DCLK1: variants seen among roughly 807,000 people sequenced by gnomAD.
The protein encoded by DCLK1 is doublecortin like kinase 1.
Under a neutral mutation model 86.2 loss-of-function variants are expected in DCLK1, and 16 were observed. The observed-to-expected ratio is 0.19, with a 90% CI of 0.13 to 0.28. The LOEUF (loss-of-function observed/expected upper bound fraction) is 0.28, where lower values mean the gene tolerates loss of function less well. Ranked by LOEUF, DCLK1 falls within the 10% of genes least tolerant of loss-of-function variation. DCLK1 has a pLI of 1.00. For synonymous variants in DCLK1, 369 were observed against 370.5 expected (o/e 1.00, Z 0.05); for missense variants, 590 against 940.2 (o/e 0.63, Z 4.87).
intron 3 of DCLK1, among the ~76,000 whole-genome samples, chr13:36,006,550 A>G (rs1032794570): frequency 6.6e-6 from 1 of 152,358 alleles, no homozygotes; most frequent in Non-Finnish European, 1.5e-5. Flanking sequence ...CTGCTTTGCC[A>G]CTTTCCATGT....
intron 4 of DCLK1, among the ~76,000 whole-genome samples, chr13:35,899,882 G>T (rs932657340): frequency 6.6e-6 from 1 of 152,018 alleles, no homozygotes; most frequent in African/African-American, 2.4e-5. Flanking sequence ...TATAATACAC[G>T]CTGTTTCTAA....
chr13:36,015,692 A>C (rs1881512528), intron 3 of DCLK1, among the ~76,000 whole-genome samples: 1 of 152,126 alleles, frequency 6.6e-6, no homozygotes. Flanking sequence ...CTACCAATCT[A>C]GGGCTTACCT....
intron 3 of DCLK1, among the ~76,000 whole-genome samples, chr13:36,027,347 C>A (rs890960706): frequency 6.6e-6 from 1 of 152,206 alleles, no homozygotes; most frequent in African/African-American, 2.4e-5. Context: ...TGGCATGAGG[C>A]GGAGCTCATG....
intron 3 of DCLK1, among the ~76,000 whole-genome samples, chr13:36,024,519 T>C (rs1403600712): frequency 1.3e-5 from 2 of 152,152 alleles, no homozygotes; most frequent in Admixed American, 6.5e-5. Flanking sequence ...GAAATAAATT[T>C]AACTAAAGAA....
chr13:35,813,908 T>C (rs1435377189), intron 11 of DCLK1, among the ~76,000 whole-genome samples: 1 of 152,082 alleles, frequency 6.6e-6, no homozygotes, highest in Non-Finnish European at 1.5e-5. Flanking sequence ...AAAATGTTTT[T>C]GCAGGTGAAT....
chr13:36,061,423 C>T (rs2153159304), intron 3 of DCLK1, among the ~76,000 whole-genome samples: 1 of 152,282 alleles, frequency 6.6e-6, no homozygotes, highest in South Asian at 2.1e-4. Flanking sequence ...TAGGTAGCTG[C>T]TGTTCAAAGC....
At chr13:35,796,612 T>C (rs1194500846) in intron 15 of DCLK1, among the ~76,000 whole-genome samples, 1 of 152,152 alleles carries the variant, frequency 6.6e-6, no homozygotes, top group Non-Finnish European at 1.5e-5. Flanking sequence ...CATTTATTAG[T>C]CCCATTTTGA....
At position 35,958,139 on chromosome 13, in the gene DCLK1, C is replaced by CATCACCACCATCACTGCTATA. The variant is rs1566620649; in HGVS notation, c.724-10683_724-10682insTATAGCAGTGATGGTGGTGAT. Among the ~76,000 whole-genome samples the CATCACCACCATCACTGCTATA allele has an allele frequency of 3.0e-3, 425 of 141,812 alleles. 4 individuals carry two copies. Among genetic ancestry groups the CATCACCACCATCACTGCTATA allele is most frequent in the South Asian group, 3.5e-3 (16 of 4,622 alleles). 93.0% of individuals were successfully genotyped at this position (141,812 alleles called of 152,430 possible). A position where few individuals can be genotyped will look rare whatever the true frequency, so the allele number is the denominator to read the frequency against. ...CCACCACCACTACCACTACTATAACCACCACCACCACCACTATAACCATCA... is the reference window on the plus strand; with the variant it reads ...CCACCACCACTACCACTACTATAACCATCACCACCATCACTGCTATAACCACCACCACCACTATAACCATCA... On this transcript the variant is annotated intron_variant, in intron 3 of 16. Transcript: ENST00000360631.
intron 6 of DCLK1, 68 bp downstream of exon 6, chr13:35,854,431 T>C: frequency 7.8e-7 from 1 of 1,289,584 alleles, no homozygotes; most frequent in South Asian, 1.8e-5. Flanking sequence ...CACGATTTGC[T>C]GGCACCTGTA....
At chr13:36,130,369 G>T (rs1296819246) in intron 1 of DCLK1, among the ~76,000 whole-genome samples, 3 of 152,164 alleles carry the variant, frequency 2.0e-5, no homozygotes, top group Non-Finnish European at 4.4e-5. Context: ...CGGTTTGAAT[G>T]AAACCTTTCA....
intron 3 of DCLK1, among the ~76,000 whole-genome samples, chr13:36,091,443 A>C (rs1389703763): frequency 6.6e-6 from 1 of 152,246 alleles, no homozygotes; most frequent in Non-Finnish European, 1.5e-5. Flanking sequence ...GGCAGGGACC[A>C]TAACTCACCC....
intron 3 of DCLK1, among the ~76,000 whole-genome samples, chr13:36,026,817 T>A (rs532584270): frequency 1.3e-5 from 2 of 152,310 alleles, no homozygotes; most frequent in East Asian, 3.9e-4. Flanking sequence ...TCTCAGGCAT[T>A]CTTATAATGA....
chr13:35,867,058 G>A (rs967829821), intron 5 of DCLK1, among the ~76,000 whole-genome samples: 5 of 152,180 alleles, frequency 3.3e-5, no homozygotes, highest in Non-Finnish European at 7.3e-5. Flanking sequence ...AAAGGAGGTG[G>A]TCCTGAGGTC....
At chr13:35,833,597 C>T (rs910992059) in intron 8 of DCLK1, among the ~76,000 whole-genome samples, 26 of 152,188 alleles carry the variant, frequency 1.7e-4, no homozygotes, top group African/African-American at 6.3e-4. Flanking sequence ...CACAGAAAGA[C>T]ATCGTTATTG....
chr13:35,986,530 C>G (rs758776145), intron 3 of DCLK1, among the ~76,000 whole-genome samples: 2 of 152,052 alleles, frequency 1.3e-5, no homozygotes, highest in Admixed American at 6.5e-5. Context: ...GAGTAGCCAG[C>G]TAAATAATGT....
chr13:35,885,307 CA>C (rs554812831), intron 4 of DCLK1, among the ~76,000 whole-genome samples: 38 of 146,854 alleles, frequency 2.6e-4, no homozygotes, highest in Admixed American at 5.4e-4. Flanking sequence ...TTAGGGACAA[CA>C]AAAAAAAAAT....
At chr13:35,880,767 C>A (rs1252978691) in intron 4 of DCLK1, among the ~76,000 whole-genome samples, 1 of 152,146 alleles carries the variant, frequency 6.6e-6, no homozygotes, top group Admixed American at 6.6e-5. Context: ...TGCTCAGGGT[C>A]TGCTGCCTTT....
chr13:36,100,361 A>G (rs1885174773), intron 3 of DCLK1, among the ~76,000 whole-genome samples: 1 of 152,098 alleles, frequency 6.6e-6, no homozygotes, highest in South Asian at 2.1e-4. Context: ...CCTGGGTGAC[A>G]GAGTGAGATC....
rs1006833931 is a variant in DCLK1, at chr13:35,945,153, G to GCCT, written c.823+2202_823+2204dup. Among the ~76,000 whole-genome samples, 8 of 152,234 alleles carry GCCT rather than the reference G, an allele frequency of 5.3e-5. No individual in the cohort carries two copies. In the Middle Eastern group the frequency reaches 0.01, roughly 194 times the overall value. ...AACCTCAGGTGATCTGCCCGCCTTGGCCTCCCAAAGTCCTGGGTTTACAGG... is the reference window on the plus strand; with the variant it reads ...AACCTCAGGTGATCTGCCCGCCTTGGCCTCCTCCCAAAGTCCTGGGTTTACAGG... On this transcript the variant is annotated intron_variant, in intron 4 of 16. Coordinates refer to ENST00000360631, the MANE Select transcript of DCLK1 (RefSeq NM_001330071.2).
Sources: allele counts gnomAD v4.1 joint callset (sites outside exome capture counted in the v4.1 genomes callset), GRCh38; gene constraint gnomAD v4.1.1; transcripts MANE v1.5; gene names NCBI Gene and HGNC (gene_info 2026-07-23, HGNC 2026-07-21).